LPAR2: variants seen among roughly 807,000 people sequenced by gnomAD.
LPAR2 encodes the protein G protein-coupled receptor.
A neutral mutation model predicts 15.6 loss-of-function variants in LPAR2; 10 were observed. That is an observed-to-expected ratio of 0.64 (90% CI 0.39 to 1.09). The LOEUF is 1.09. LPAR2 is among the 50% of genes least tolerant of loss of function. The pLI, the probability that LPAR2 is intolerant of heterozygous loss-of-function variation, is 0.01. For missense variants in LPAR2, 413 were observed against 484.6 expected (o/e 0.85, Z 1.39); for synonymous variants, 204 against 207.4 (o/e 0.98, Z 0.14).
rs767870001 is a variant in LPAR2 at position 19,626,601 on chromosome 19, G to A, written c.684C>T (p.Cys228=). 1.2e-6 allele frequency: 2 copies of A among 1,613,156 alleles called. No individual in the cohort carries two copies. The highest frequency in any genetic ancestry group is 1.7e-6 in the Non-Finnish European group (2 of 1,179,970). ...GCGTGGTCTCTCGGTAGCGGGGGTGGCAGCTGACATGCTCTGCCATGCGCT... is the reference window on the plus strand; with the variant it reads ...GCGTGGTCTCTCGGTAGCGGGGGTGACAGCTGACATGCTCTGCCATGCGCT... Residue 228 remains cysteine, a synonymous_variant, in exon 2 of 3, where the codon TGC becomes TGT. Transcript: ENST00000407877. This position sits in a 1 kb window ranked among gnomAD's most constrained non-coding sequence, Gnocchi z 5.3.
At chr19:19,625,533 C>T (rs1481867372) in intron 2 of LPAR2, among the ~76,000 whole-genome samples, 1 of 151,746 alleles carries the variant, frequency 6.6e-6, no homozygotes, top group African/African-American at 2.4e-5. Flanking sequence ...GCTTGTAATC[C>T]CAGCACTTTG....
At position 19,623,663 on chromosome 19, in the gene LPAR2, A is replaced by G. The variant is rs2061725684; in HGVS notation, c.*593T>C. 6.6e-6 allele frequency: 1 copy of G among 152,472 alleles called. No individual in the cohort carries two copies. The highest frequency in any genetic ancestry group is 1.5e-5 in the Non-Finnish European group (1 of 68,304). The allele number at this position is 152,472 out of a possible 1,614,324, so 9.4% of individuals were successfully genotyped here. A position where few individuals can be genotyped will look rare whatever the true frequency, so the allele number is the denominator to read the frequency against. ...ATTGATAACAACAAATGTTTTGGAGACCTCAGAGTGTAAAGAAAGGTTTAC... is the reference window on the plus strand; with the variant it reads ...ATTGATAACAACAAATGTTTTGGAGGCCTCAGAGTGTAAAGAAAGGTTTAC... On this transcript the variant is annotated 3_prime_UTR_variant, in exon 3 of 3. Transcript: ENST00000407877.
chr19:19,626,162 C>T lies in LPAR2; in HGVS notation c.742+381G>A, dbSNP rs894883568. ...CCTCCCAAAGTGCTGGGATTACAGGCGTGAGCCACTGTGCCCGGCTAGCAC... is the reference window on the plus strand; with the variant it reads ...CCTCCCAAAGTGCTGGGATTACAGGTGTGAGCCACTGTGCCCGGCTAGCAC... On this transcript the variant is annotated intron_variant, in intron 2 of 2. Transcript: ENST00000407877. The surrounding 1 kb of genome is among the most constrained non-coding windows in gnomAD (Gnocchi z 5.3). Among the ~76,000 whole-genome samples, 6 of 152,174 alleles carry T rather than the reference C, an allele frequency of 3.9e-5. No individual in the cohort carries two copies. The highest frequency in any genetic ancestry group is 3.4e-3 in the Middle Eastern group (1 of 294).
chr19:19,625,732 G>A (rs1407596282), intron 2 of LPAR2, among the ~76,000 whole-genome samples: 1 of 145,682 alleles, frequency 6.9e-6, no homozygotes, highest in Non-Finnish European at 1.5e-5. Flanking sequence ...GCAGTGAGCC[G>A]AGATTGCGCC....
rs1599394771 is a variant in LPAR2, at chr19:19,627,680, A to G, written c.1-396T>C. ...GAGCTGCGGGAAGAGATGAGGGAGG[A>G]TCACTTTGGTGCCGGAGTCAGTGTA... On this transcript the variant is annotated intron_variant, in intron 1 of 2. Coordinates refer to ENST00000407877, the MANE Select transcript of LPAR2 (RefSeq NM_004720.7). This position sits in a 1 kb window ranked among gnomAD's most constrained non-coding sequence, Gnocchi z 4.7. The G allele has an allele frequency of 1.6e-5, 4 of 249,188 alleles. No homozygotes were observed. In the South Asian group the frequency reaches 1.9e-4, roughly 12 times the overall value. The allele number at this position is 249,188 out of a possible 1,614,324, so 15.4% of individuals were successfully genotyped here.
In LPAR2 at chr19:19,626,516, C is replaced by T; in HGVS notation, c.742+27G>A. The T allele has an allele frequency of 6.4e-7, 1 of 1,565,958 alleles. No homozygotes were observed. On this transcript the variant is annotated intron_variant, in intron 2 of 2. Coordinates refer to ENST00000407877, the MANE Select transcript of LPAR2 (RefSeq NM_004720.7). This position sits in a 1 kb window ranked among gnomAD's most constrained non-coding sequence, Gnocchi z 5.3. The stretch of plus-strand genomic sequence containing the variant: ...TGGGAGATAGGGGGAAGCAGGGTCC[C>T]TGTTGCCCCCTGGGGGCCCCACTTA...
At position 19,627,252 on chromosome 19, in the gene LPAR2, C is replaced by A. The variant is rs1343225486; in HGVS notation, c.33G>T (p.Glu11Asp). The A allele has an allele frequency of 3.7e-6, 6 of 1,605,464 alleles. No homozygotes were observed. Among genetic ancestry groups the A allele is most frequent in the Non-Finnish European group, 5.1e-6 (6 of 1,179,920 alleles). The change falls in exon 2 of 3, where the codon GAG becomes GAT. Residue 11 changes from glutamate to aspartate, a missense_variant. By Grantham distance (45) the Glu-to-Asp change is conservative. Coordinates refer to ENST00000407877, the MANE Select transcript of LPAR2 (RefSeq NM_004720.7). This position sits in a 1 kb window ranked among gnomAD's most constrained non-coding sequence, Gnocchi z 4.7. ...TGTTGTTATAGAAGAAGCCGATGGT[C>A]TCGTTGTAGTAGCACTGGCCCATGA...
In LPAR2 at chr19:19,623,734, G is replaced by C. The variant is rs934822501; in HGVS notation, c.*522C>G. On this transcript the variant is annotated 3_prime_UTR_variant, in exon 3 of 3. Coordinates refer to ENST00000407877, the MANE Select transcript of LPAR2 (RefSeq NM_004720.7). The stretch of plus-strand genomic sequence containing the variant: ...CGTGGACTGCTTCAATTCTATCGGG[G>C]ACAGGCCAGTCCCTGGAGGCTGCAA... 1 of 156,072 alleles carries C rather than the reference G, an allele frequency of 6.4e-6. No homozygotes were observed. The highest frequency in any genetic ancestry group is 2.4e-5 in the African/African-American group (1 of 41,476). 9.7% of individuals were successfully genotyped at this position (156,072 alleles called of 1,614,324 possible). A position where few individuals can be genotyped will look rare whatever the true frequency, so the allele number is the denominator to read the frequency against.
rs758847328 is a variant in LPAR2, at chr19:19,624,507, C to T, written c.805G>A (p.Glu269Lys). The T allele has an allele frequency of 1.9e-6, 3 of 1,613,966 alleles. 1 individual carries two copies. Among genetic ancestry groups the T allele is most frequent in the South Asian group, 2.2e-5 (2 of 91,068 alleles). The change falls in exon 3 of 3, where the codon GAG (glutamate) becomes AAG (lysine). Residue 269 changes from glutamate (E) to lysine (K), a missense_variant. Glu to Lys is a moderately conservative substitution (Grantham distance 56, BLOSUM62 1). Transcript: ENST00000407877. ...TCTACAGCCAGGACATTGCAGGACT[C>T]ACAGCCTAAACCATCCAGGAGCAGT...
In LPAR2 at chr19:19,624,471, G is replaced by C; in HGVS notation, c.841C>G (p.Leu281Val). Residue 281 changes from leucine to valine, a missense_variant, in exon 3 of 3, where the codon CTA becomes GTA. Coordinates refer to ENST00000407877, the MANE Select transcript of LPAR2 (RefSeq NM_004720.7). ...AGGGAGTTGGCCTCGGCCAACAGTA[G>C]GAAGTACTTTTCTACAGCCAGGACA... 6.2e-7 allele frequency: 1 copy of C among 1,614,096 alleles called. No homozygotes were observed. Among genetic ancestry groups the C allele is most frequent in the African/African-American group, 1.3e-5 (1 of 75,040 alleles).
Position 19,627,324 on chromosome 19 carries a change from A to C in LPAR2, c.1-40T>G. The C allele has an allele frequency of 1.3e-6, 2 of 1,571,096 alleles. No individual in the cohort carries two copies. Among genetic ancestry groups the C allele is most frequent in the Non-Finnish European group, 1.7e-6 (2 of 1,161,860 alleles). On this transcript the variant is annotated intron_variant, in intron 1 of 2. Transcript: ENST00000407877. The surrounding 1 kb of genome is among the most constrained non-coding windows in gnomAD (Gnocchi z 4.7). ...GATCAGTGCATGTGGCACTTCTTGG[A>C]AGGACACAGGGAGGGGCGGCAGCTG...
At position 19,627,447 on chromosome 19, in the gene LPAR2, G is replaced by A; in HGVS notation, c.1-163C>T. 1 of 651,800 alleles carries A rather than the reference G, an allele frequency of 1.5e-6. No homozygotes were observed. Among genetic ancestry groups the A allele is most frequent in the South Asian group, 1.9e-5 (1 of 53,078 alleles). 40.4% of individuals were successfully genotyped at this position (651,800 alleles called of 1,614,324 possible). A position where few individuals can be genotyped will look rare whatever the true frequency, so the allele number is the denominator to read the frequency against. On this transcript the variant is annotated intron_variant, in intron 1 of 2. Transcript: ENST00000407877. This position sits in a 1 kb window ranked among gnomAD's most constrained non-coding sequence, Gnocchi z 4.7. ...GACTACGGTGGCCTGGAAAAAGCAA[G>A]CTCCATGGGGCTGGGGTGGAGGTGG...
chr19:19,623,769 A>G lies in LPAR2; in HGVS notation c.*487T>C, dbSNP rs575293941. 1 of 160,048 alleles carries G rather than the reference A, an allele frequency of 6.2e-6. No homozygotes were observed. Among genetic ancestry groups the G allele is most frequent in the Admixed American group, 6.0e-5 (1 of 16,754 alleles). 9.9% of individuals were successfully genotyped at this position (160,048 alleles called of 1,614,324 possible). On this transcript the variant is annotated 3_prime_UTR_variant, in exon 3 of 3. Coordinates refer to ENST00000407877, the MANE Select transcript of LPAR2 (RefSeq NM_004720.7). Reference sequence around the variant, plus strand: ...TCCCTGGAGGCTGCAAGGAGCCACAAACCTTTCCCAGCTCACACTCTGCAC... The same window carrying G: ...TCCCTGGAGGCTGCAAGGAGCCACAGACCTTTCCCAGCTCACACTCTGCAC...
At position 19,624,256 on chromosome 19, in the gene LPAR2, C is replaced by T. The variant is rs780524077; in HGVS notation, c.1056G>A (p.Ter352=). 1.2e-6 allele frequency: 2 copies of T among 1,601,142 alleles called. No homozygotes were observed. Among genetic ancestry groups the T allele is most frequent in the Admixed American group, 3.4e-5 (2 of 59,646 alleles). The change falls in exon 3 of 3, where the codon TAG becomes TAA. Residue 352 remains the stop codon, a stop_retained_variant. Transcript: ENST00000407877. ...CGCGTACCGCTGAAGTTCAAGGTAG[C>T]TAAAGGGTGGAGTCCATCAGTGGGT... is the stretch of plus-strand genomic sequence containing the variant.
Position 19,627,372 on chromosome 19 carries a change from G to A in LPAR2, c.1-88C>T. The A allele has an allele frequency of 6.7e-6, 9 of 1,348,882 alleles. No homozygotes were observed. The South Asian group carries it at 1.2e-4, about 18-fold the overall frequency. The allele number at this position is 1,348,882 out of a possible 1,614,324, so 83.6% of individuals were successfully genotyped here. A position where few individuals can be genotyped will look rare whatever the true frequency, so the allele number is the denominator to read the frequency against. On this transcript the variant is annotated intron_variant, in intron 1 of 2. Transcript: ENST00000407877. This position sits in a 1 kb window ranked among gnomAD's most constrained non-coding sequence, Gnocchi z 4.7. ...CTGCAGAGGAGGGTCAGCGCAGGAA[G>A]GACAAGGGTCTCAAATTCAGATACC...
rs1233043352 is a variant in LPAR2 at position 19,624,564 on chromosome 19, A to G, written c.748T>C (p.Phe250Leu). ...TGGCCTGGTGTCCAGCAGACCACGA[A>G]CGCCCCTGTGGGACAGAGGCGGAAG... The change falls in exon 3 of 3, where the codon TTC (phenylalanine) becomes CTC (leucine). Residue 250 changes from phenylalanine to leucine, a missense_variant. Coordinates refer to ENST00000407877, the MANE Select transcript of LPAR2 (RefSeq NM_004720.7). 2 of 1,595,896 alleles carry G rather than the reference A, an allele frequency of 1.3e-6. No individual in the cohort carries two copies. The highest frequency in any genetic ancestry group is 1.7e-6 in the Non-Finnish European group (2 of 1,168,880).
intron 2 of LPAR2, among the ~76,000 whole-genome samples, chr19:19,625,734 G>A (rs550582759): frequency 1.3e-4 from 18 of 143,264 alleles, no homozygotes; most frequent in South Asian, 2.2e-4. Flanking sequence ...AGTGAGCCGA[G>A]ATTGCGCCAC....
At position 19,627,568 on chromosome 19, in the gene LPAR2, A is replaced by C; in HGVS notation, c.1-284T>G. On this transcript the variant is annotated intron_variant, in intron 1 of 2. Coordinates refer to ENST00000407877, the MANE Select transcript of LPAR2 (RefSeq NM_004720.7). This position sits in a 1 kb window ranked among gnomAD's most constrained non-coding sequence, Gnocchi z 4.7. ...ACCAGAAGTGAAACAAAACCCATCT[A>C]TGGTCGAATCCCAGCCCACCTGCCG... The C allele has an allele frequency of 5.0e-6, 2 of 403,930 alleles. No individual in the cohort carries two copies. Among genetic ancestry groups the C allele is most frequent in the Non-Finnish European group, 4.6e-6 (1 of 219,244 alleles). 25.0% of individuals were successfully genotyped at this position (403,930 alleles called of 1,614,324 possible).
At chr19:19,625,491 T>A (rs1356177465) in intron 2 of LPAR2, among the ~76,000 whole-genome samples, 1 of 151,798 alleles carries the variant, frequency 6.6e-6, no homozygotes, top group African/African-American at 2.4e-5. Flanking sequence ...AATTTTGAAA[T>A]TTAAAAATAT....
Sources: gnomAD v4.1 joint callset for allele counts (sites outside exome capture counted in the v4.1 genomes callset) on GRCh38, gnomAD v4.1.1 for gene constraint, Gnocchi (gnomAD v3.1) non-coding constraint, MANE v1.5 for transcripts, NCBI Gene and HGNC (gene_info 2026-07-23, HGNC 2026-07-21) for gene names.